PTCH2: variants seen among roughly 807,000 people sequenced by gnomAD.
The protein encoded by PTCH2 is protein patched homolog 2.
In PTCH2, 96 loss-of-function variants were observed where a neutral mutation model predicts 117.9. The ratio of observed to expected loss-of-function variants is 0.81; its 90% CI spans 0.69 to 0.96. PTCH2 has a LOEUF of 0.96. PTCH2 is among the 50% of genes least tolerant of loss of function. The pLI is 0.00. For missense variants in PTCH2, 1,379 were observed against 1,562.5 expected, an observed-to-expected ratio of 0.88 and a Z score of 1.98; for synonymous variants, 615 against 660.9, an observed-to-expected ratio of 0.93 and a Z score of 1.06.
Position 44,822,370 on chromosome 1 carries a change from G to C in PTCH2, c.*45C>G, listed in dbSNP as rs554774505. ...AACACCAGACCCAGTGCTTCCCAGTGACCCCACACGCCCCACACATGGTCT... is the reference window on the plus strand; with the variant it reads ...AACACCAGACCCAGTGCTTCCCAGTCACCCCACACGCCCCACACATGGTCT... On this transcript the variant is annotated 3_prime_UTR_variant, in exon 22 of 22. Transcript: ENST00000372192. The C allele has an allele frequency of 1.9e-6, 3 of 1,612,070 alleles. No individual in the cohort carries two copies. The East Asian group carries it at 6.7e-5, about 36-fold the overall frequency.
Position 44,831,112 on chromosome 1 carries a change from G to T in PTCH2, c.618-69C>A. 2 of 1,455,614 alleles carry T rather than the reference G, an allele frequency of 1.4e-6. No individual in the cohort carries two copies. Among genetic ancestry groups the T allele is most frequent in the Non-Finnish European group, 1.9e-6 (2 of 1,055,924 alleles). 90.2% of individuals were successfully genotyped at this position (1,455,614 alleles called of 1,614,324 possible). A position where few individuals can be genotyped will look rare whatever the true frequency, so the allele number is the denominator to read the frequency against. ...CCAGGCTCCAAACTGCTGCTGGGGC[G>T]CCATGCTGTACCCCACCCTCCTCTT... On this transcript the variant is annotated intron_variant, in intron 5 of 21. Coordinates refer to ENST00000372192, the MANE Select transcript of PTCH2 (RefSeq NM_003738.5). This position sits in a 1 kb window ranked among gnomAD's most constrained non-coding sequence, Gnocchi z 4.3.
At position 44,827,475 on chromosome 1, in the gene PTCH2, G is replaced by A. The variant is rs1430096916; in HGVS notation, c.2298C>T (p.Leu766=). 6.2e-7 allele frequency: 1 copy of A among 1,614,042 alleles called. No homozygotes were observed. Among genetic ancestry groups the A allele is most frequent in the Admixed American group, 1.7e-5 (1 of 60,020 alleles). ...LFDLHQRFSS[L]KAVLPPPATQ... ...TGGCCGGTGGGGGCAGCACCGCCTT[G>A]AGGGAACTGAAGCGCTGGTGCAGAT... The change falls in exon 15 of 22, where the codon CTC becomes CTT. Residue 766 remains leucine, a synonymous_variant. Coordinates refer to ENST00000372192, the MANE Select transcript of PTCH2 (RefSeq NM_003738.5).
intron 21 of PTCH2, 90 bp downstream of exon 21, chr1:44,822,977 CTG>C: frequency 7.1e-7 from 1 of 1,409,386 alleles, no homozygotes; most frequent in South Asian, 1.2e-5. Flanking sequence ...AGGTACCTGT[CTG>C]TGGGCCACAG....
In PTCH2 at chr1:44,823,014, C is replaced by G; in HGVS notation, c.3357+55G>C. 1.3e-6 allele frequency: 2 copies of G among 1,566,984 alleles called. No homozygotes were observed. Among genetic ancestry groups the G allele is most frequent in the East Asian group, 2.3e-5 (1 of 43,980 alleles). On this transcript the variant is annotated intron_variant, in intron 21 of 21. Coordinates refer to ENST00000372192, the MANE Select transcript of PTCH2 (RefSeq NM_003738.5). This position sits in a 1 kb window ranked among gnomAD's most constrained non-coding sequence, Gnocchi z 5.1. ...GGGCTCTGTCCCTTCCCTTGCCTCT[C>G]CCTACCCCGTCCCTTGGGCTGGGAG...
intron 2 of PTCH2, 60 bp downstream of exon 2, chr1:44,841,786 AC>A: frequency 6.3e-7 from 1 of 1,585,810 alleles, no homozygotes; most frequent in Non-Finnish European, 8.7e-7. Context: ...CCAGCTCCTC[AC>A]CCCGTTCTTG....
chr1:44,826,300 G>A lies in PTCH2; in HGVS notation c.3064C>T (p.Leu1022Phe), dbSNP rs2148873713. 6.2e-7 allele frequency: 1 copy of A among 1,614,136 alleles called. No homozygotes were observed. The highest frequency in any genetic ancestry group is 8.5e-7 in the Non-Finnish European group (1 of 1,180,046). The change falls in exon 19 of 22, where the codon CTT becomes TTT. Residue 1022 changes from leucine to phenylalanine, a missense_variant. By Grantham distance (22) the Leu-to-Phe change is conservative. Coordinates refer to ENST00000372192, the MANE Select transcript of PTCH2 (RefSeq NM_003738.5). This position sits in a 1 kb window ranked among gnomAD's most constrained non-coding sequence, Gnocchi z 5.1. Reference protein sequence around the residue: ...IKLSAIPVVILVASVGIGVEF... With the variant: ...IKLSAIPVVIFVASVGIGVEF... Reference sequence around the variant, plus strand: ...ACGCCAATGCCTACAGAGGCCACAAGGATCACCACGGGGATGGCACTCAGC... The same window carrying A: ...ACGCCAATGCCTACAGAGGCCACAAAGATCACCACGGGGATGGCACTCAGC...
Position 44,826,645 on chromosome 1 carries a change from G to T in PTCH2, c.2819C>A (p.Ala940Asp). 1.9e-6 allele frequency: 3 copies of T among 1,612,308 alleles called. No homozygotes were observed. Among genetic ancestry groups the T allele is most frequent in the Non-Finnish European group, 2.5e-6 (3 of 1,179,482 alleles). Residue 940 changes from alanine (A) to aspartate (D), a missense_variant, in exon 18 of 22, where the codon GCT becomes GAT. Physicochemically the swap from Ala to Asp is moderately radical, Grantham distance 126. Coordinates refer to ENST00000372192, the MANE Select transcript of PTCH2 (RefSeq NM_003738.5). This position sits in a 1 kb window ranked among gnomAD's most constrained non-coding sequence, Gnocchi z 5.1. Reference sequence around the variant, plus strand: ...GCCGCTGGGGTAGGCGTGCACCCCAGCCTGGCCGGCCTCTGCGCATGCTGC... The same window carrying T: ...GCCGCTGGGGTAGGCGTGCACCCCATCCTGGCCGGCCTCTGCGCATGCTGC... ...ARAACAEAGQ[A>D]GVHAYPSGSP...
Position 44,826,865 on chromosome 1 carries a change from A to C in PTCH2, c.2695+37T>G, listed in dbSNP as rs542534727. The C allele has an allele frequency of 6.2e-7, 1 of 1,613,476 alleles. No homozygotes were observed. Among genetic ancestry groups the C allele is most frequent in the East Asian group, 2.2e-5 (1 of 44,868 alleles). Reference sequence around the variant, plus strand: ...CTCAGGCTCAGGGCTTGTGTGGGCGAGGCTGAGGCTCTTGCCGAGCTCCCC... The same window carrying C: ...CTCAGGCTCAGGGCTTGTGTGGGCGCGGCTGAGGCTCTTGCCGAGCTCCCC... On this transcript the variant is annotated intron_variant, in intron 17 of 21. Transcript: ENST00000372192. This position sits in a 1 kb window ranked among gnomAD's most constrained non-coding sequence, Gnocchi z 5.1.
chr1:44,827,295 A>G lies in PTCH2; in HGVS notation c.2386T>C (p.Phe796Leu). 2 of 1,613,976 alleles carry G rather than the reference A, an allele frequency of 1.2e-6. No homozygotes were observed. Among genetic ancestry groups the G allele is most frequent in the Non-Finnish European group, 1.7e-6 (2 of 1,180,032 alleles). Residue 796 changes from phenylalanine (F) to leucine (L), a missense_variant, in exon 16 of 22, where the codon TTT becomes CTT. Transcript: ENST00000372192. Reference protein sequence around the residue: ...RNWLQGIQAAFDQDWASGRIT... With the variant: ...RNWLQGIQAALDQDWASGRIT... ...CGCCCAGAAGCCCAGTCCTGGTCAA[A>G]GGCAGCCTGGATTCCTGGGGGAGAC...
In PTCH2 at chr1:44,826,934, T is replaced by C. The variant is rs1443731498; in HGVS notation, c.2663A>G (p.Asp888Gly). ...FYPPPPEWLH[D>G]KYDTTGENLR... ...GTTCTCCCCCGTGGTGTCGTATTTGTCGTGCAGCCATTCAGGAGGTGGGGG... is the reference window on the plus strand; with the variant it reads ...GTTCTCCCCCGTGGTGTCGTATTTGCCGTGCAGCCATTCAGGAGGTGGGGG... The change falls in exon 17 of 22, where the codon GAC (aspartate) becomes GGC (glycine). Residue 888 changes from aspartate (D) to glycine (G), a missense_variant. Physicochemically the swap from Asp to Gly is moderately conservative, Grantham distance 94. Transcript: ENST00000372192. The surrounding 1 kb of genome is among the most constrained non-coding windows in gnomAD (Gnocchi z 5.1). The C allele has an allele frequency of 1.9e-6, 3 of 1,613,986 alleles. No homozygotes were observed. The highest frequency in any genetic ancestry group is 2.5e-6 in the Non-Finnish European group (3 of 1,180,022).
At position 44,827,708 on chromosome 1, in the gene PTCH2, C is replaced by T. The variant is rs748318921; in HGVS notation, c.2065G>A (p.Val689Met). ...LLLQSHAKAI[V>M]LVLFGALLGL... is the part of the protein sequence containing the mutation. The stretch of plus-strand genomic sequence containing the variant: ...AGAAGAGCACCAAAGAGCACCAGCA[C>T]GATGGCCTGCGGGATGTAGCAACTA... Residue 689 changes from valine (V) to methionine (M), a missense_variant, in exon 15 of 22, where the codon GTG (valine) becomes ATG (methionine). Physicochemically the swap from Val to Met is conservative, Grantham distance 21. Coordinates refer to ENST00000372192, the MANE Select transcript of PTCH2 (RefSeq NM_003738.5). The T allele has an allele frequency of 1.2e-4, 191 of 1,610,972 alleles. No homozygotes were observed. Among genetic ancestry groups the T allele is most frequent in the Middle Eastern group, 1.6e-4 (1 of 6,082 alleles).
downstream of PTCH2, chr1:44,821,724 C>G (rs1434341294): frequency 8.2e-7 from 1 of 1,217,780 alleles, no homozygotes; most frequent in South Asian, 1.4e-5. Context: ...GGATTTCACA[C>G]CAACAAAATT....
chr1:44,820,903 G>A (rs1237808421), downstream of PTCH2, among the ~76,000 whole-genome samples: 1 of 152,124 alleles, frequency 6.6e-6, no homozygotes, highest in African/African-American at 2.4e-5. Flanking sequence ...GGGCCTGCTG[G>A]TTGCACCCCC....
In PTCH2 at chr1:44,839,428, G is replaced by A. The variant is rs192834962; in HGVS notation, c.265+2419C>T. On this transcript the variant is annotated intron_variant, in intron 2 of 21. Coordinates refer to ENST00000372192, the MANE Select transcript of PTCH2 (RefSeq NM_003738.5). ...TTTTACCTCACCCCCAGCCAATATAGGACAAGAGTGATATTCTGAAATAAA... is the reference window on the plus strand; with the variant it reads ...TTTTACCTCACCCCCAGCCAATATAAGACAAGAGTGATATTCTGAAATAAA... 1.0e-4 allele frequency among the ~76,000 whole-genome samples: 15 copies of A among 148,476 alleles called. No individual in the cohort carries two copies. The East Asian group carries it at 2.8e-3, about 27-fold the overall frequency.
In PTCH2 at chr1:44,828,000, T is replaced by C; in HGVS notation, c.1901A>G (p.Glu634Gly). The change falls in exon 14 of 22, where the codon GAG becomes GGG. Residue 634 changes from glutamate (E) to glycine (G), a missense_variant. Transcript: ENST00000372192. ...TGTGGACCCTCCAGGGCTGAAGAGC[T>C]CAGAGCCCAGTGGGTCAGAAGGTGG... ...VPPPSDPLGS[E>G]LFSPGGSTRD... 1.9e-6 allele frequency: 3 copies of C among 1,614,136 alleles called. No individual in the cohort carries two copies. The highest frequency in any genetic ancestry group is 1.7e-5 in the Admixed American group (1 of 60,036).
Position 44,829,549 on chromosome 1 carries a change from G to A in PTCH2, c.1084-16C>T, listed in dbSNP as rs770453348. On this transcript the variant is annotated splice_polypyrimidine_tract_variant and intron_variant, in intron 8 of 21. Coordinates refer to ENST00000372192, the MANE Select transcript of PTCH2 (RefSeq NM_003738.5). ...CCTGGGCCAGCTGGAGAAACAGGGT[G>A]GATAGGAGGGGGCAGGAGGAGGGAA... 2 of 1,614,162 alleles carry A rather than the reference G, an allele frequency of 1.2e-6. No individual in the cohort carries two copies. Among genetic ancestry groups the A allele is most frequent in the Non-Finnish European group, 8.5e-7 (1 of 1,180,006 alleles).
chr1:44,823,095 G>A lies in PTCH2; in HGVS notation c.3331C>T (p.Leu1111=), dbSNP rs749131299. Residue 1111 remains leucine, a synonymous_variant, in exon 21 of 22, where the codon CTG becomes TTG. Transcript: ENST00000372192. This position sits in a 1 kb window ranked among gnomAD's most constrained non-coding sequence, Gnocchi z 5.1. ...TCTGGCGGCGGGCCCAGGATGGACA[G>A]CAGCACAGGCAGCAGCACGAGTCCA... ...LHGLVLLPVL[L]SILGPPPEVI... is the part of the protein sequence containing the mutation. 9 of 1,613,728 alleles carry A rather than the reference G, an allele frequency of 5.6e-6. No homozygotes were observed. Among genetic ancestry groups the A allele is most frequent in the Admixed American group, 1.7e-5 (1 of 60,006 alleles).
rs1653415175 is a variant in PTCH2 at position 44,830,870 on chromosome 1, G to A, written c.791C>T (p.Ala264Val). 1.3e-6 allele frequency: 2 copies of A among 1,563,214 alleles called. No homozygotes were observed. Among genetic ancestry groups the A allele is most frequent in the Non-Finnish European group, 1.7e-6 (2 of 1,146,748 alleles). ...CACCTGCCTGCTGTGATGGTTGGGG[G>A]CACTAGGTGGGCAGTGGAGGTCATC... The part of the protein sequence containing the change: ...HPDDLHCPPS[A>V]PNHHSRQAPN... Residue 264 changes from alanine to valine, a missense_variant, in exon 6 of 22, where the codon GCC becomes GTC. Transcript: ENST00000372192.
chr1:44,829,543 C>T lies in PTCH2; in HGVS notation c.1084-10G>A, dbSNP rs775188718. The T allele has an allele frequency of 6.2e-6, 10 of 1,614,012 alleles. 1 individual carries two copies. The South Asian group carries it at 1.1e-4, about 18-fold the overall frequency. The stretch of plus-strand genomic sequence containing the variant: ...GGGCCTCCTGGGCCAGCTGGAGAAA[C>T]AGGGTGGATAGGAGGGGGCAGGAGG... On this transcript the variant is annotated splice_polypyrimidine_tract_variant and intron_variant, in intron 8 of 21. Transcript: ENST00000372192.
Sources: allele counts gnomAD v4.1 joint callset (sites outside exome capture counted in the v4.1 genomes callset), GRCh38; gene constraint gnomAD v4.1.1; non-coding constraint Gnocchi (gnomAD v3.1); transcripts MANE v1.5; gene names NCBI Gene and HGNC (gene_info 2026-07-23, HGNC 2026-07-21).